Variants in CC2D2A observed in about 807,000 individuals in gnomAD.
CC2D2A encodes coiled-coil and C2 domain-containing protein 2A.
In CC2D2A, 155 loss-of-function variants were observed where a neutral mutation model predicts 212.9. The ratio of observed to expected loss-of-function variants is 0.73; its 90% confidence interval spans 0.64 to 0.83. CC2D2A has a LOEUF of 0.83. Ranked by LOEUF, CC2D2A falls within the 40% of genes least tolerant of loss-of-function variation. The pLI is 0.00. For missense variants in CC2D2A, 1,856 were observed against 1,956.2 expected (o/e 0.95, Z 0.97); for synonymous variants, 667 against 686.5 (o/e 0.97, Z 0.44).
At chr4:15,585,307 T>C (rs1296268898) in intron 30 of CC2D2A, among the ~76,000 whole-genome samples, 1 of 152,168 alleles carries the variant, frequency 6.6e-6, no homozygotes, top group African/African-American at 2.4e-5. Flanking sequence ...GGAATGCCAA[T>C]CAACCACAAA....
At chr4:15,470,958 G>T (rs1713773839) in intron 1 of CC2D2A, among the ~76,000 whole-genome samples, 2 of 152,096 alleles carry the variant, frequency 1.3e-5, no homozygotes, top group African/African-American at 2.4e-5. Flanking sequence ...TGACATCCAG[G>T]GAGGGGCTTC....
intron 9 of CC2D2A, among the ~76,000 whole-genome samples, chr4:15,515,412 C>CTT: frequency 6.6e-6 from 1 of 152,192 alleles, no homozygotes; most frequent in African/African-American, 2.4e-5. Flanking sequence ...GTAATGATCA[C>CTT]GTTCAATCAA....
intron 20 of CC2D2A, among the ~76,000 whole-genome samples, chr4:15,555,869 G>A (rs1719252399): frequency 6.6e-6 from 1 of 152,180 alleles, no homozygotes; most frequent in Admixed American, 6.5e-5. Flanking sequence ...TCTCCAGAGA[G>A]GAAGCTGAGT....
At chr4:15,549,412 C>CT (rs1718878723) in intron 17 of CC2D2A, among the ~76,000 whole-genome samples, 2 of 152,170 alleles carry the variant, frequency 1.3e-5, no homozygotes, top group Non-Finnish European at 2.9e-5. Context: ...CTGCCTTTGT[C>CT]TTTGACCCAG....
chr4:15,478,894 C>T (rs946155022), intron 3 of CC2D2A, 88 bp downstream of exon 3: 19 of 1,122,712 alleles, frequency 1.7e-5, no homozygotes, highest in Admixed American at 4.2e-5. Flanking sequence ...TCCACAAGGG[C>T]AGCCTTCCTT....
chr4:15,480,530 T>A (rs748282751), intron 3 of CC2D2A, among the ~76,000 whole-genome samples, 174 bp from the exon 4 acceptor site: 4 of 152,192 alleles, frequency 2.6e-5, no homozygotes, highest in Non-Finnish European at 5.9e-5. Flanking sequence ...AAATTCTGGG[T>A]TGGCACCTCT....
At chr4:15,494,639 T>G (rs1715506356) in intron 4 of CC2D2A, among the ~76,000 whole-genome samples, 1 of 152,220 alleles carries the variant, frequency 6.6e-6, no homozygotes, top group Non-Finnish European at 1.5e-5. Context: ...CAATAAGCTT[T>G]TGGGCCGTTT....
At chr4:15,551,111 T>A in intron 18 of CC2D2A, 131 bp downstream of exon 18, 4 of 848,122 alleles carry the variant, frequency 4.7e-6, no homozygotes, top group Non-Finnish European at 6.6e-6. Flanking sequence ...CAAACAATGA[T>A]GCTATGCAAC....
chr4:15,526,599 T>A (rs1027475413), intron 11 of CC2D2A, among the ~76,000 whole-genome samples: 3 of 152,166 alleles, frequency 2.0e-5, no homozygotes, highest in African/African-American at 7.2e-5. Context: ...TACATTATCA[T>A]TTTCTAGATA....
chr4:15,503,550 G>C (rs1716090129), intron 6 of CC2D2A, among the ~76,000 whole-genome samples: 1 of 152,190 alleles, frequency 6.6e-6, no homozygotes, highest in African/African-American at 2.4e-5. Context: ...CTGTCTCATT[G>C]GGTCAGCATT....
intron 28 of CC2D2A, 76 bp downstream of exon 28, chr4:15,570,572 G>A (rs1720111449): frequency 1.9e-6 from 2 of 1,042,298 alleles, no homozygotes; most frequent in African/African-American, 1.6e-5. Flanking sequence ...CGTTCTTTGT[G>A]GGCCAGGCGC....
intron 19 of CC2D2A, 85 bp from the exon 20 acceptor site, chr4:15,554,987 A>G: frequency 7.3e-7 from 1 of 1,376,670 alleles, no homozygotes; most frequent in Admixed American, 2.1e-5. Context: ...AGCTTCCTCA[A>G]GTCATGCTGT....
At chr4:15,527,717 C>A in intron 12 of CC2D2A, 61 bp downstream of exon 12, 1 of 1,326,846 alleles carries the variant, frequency 7.5e-7, no homozygotes, top group Non-Finnish European at 1.0e-6. Context: ...TGAGCCCAAA[C>A]AATGAAAATT....
At chr4:15,547,661 T>C (rs1256715694) in intron 17 of CC2D2A, among the ~76,000 whole-genome samples, 1 of 152,200 alleles carries the variant, frequency 6.6e-6, no homozygotes, top group Admixed American at 6.5e-5. Flanking sequence ...AACTAAATTA[T>C]ACAGAGATCT....
chr4:15,517,746 A>G (rs1431178863), intron 11 of CC2D2A, among the ~76,000 whole-genome samples: 1 of 152,192 alleles, frequency 6.6e-6, no homozygotes, highest in Non-Finnish European at 1.5e-5. Flanking sequence ...CACGCTGCTG[A>G]TAAAGGCATA....
At chr4:15,503,644 A>G (rs1716096387) in intron 6 of CC2D2A, among the ~76,000 whole-genome samples, 1 of 152,202 alleles carries the variant, frequency 6.6e-6, no homozygotes, top group Non-Finnish European at 1.5e-5. Flanking sequence ...AGGTCCTTGA[A>G]TGTCACATTC....
chr4:15,479,128 G>A, intron 3 of CC2D2A: 1 of 872,790 alleles, frequency 1.1e-6, no homozygotes. Context: ...GAAGGCCATG[G>A]ACTATGATGG....
chr4:15,538,457 TTTTGA>T (rs1191449584), intron 16 of CC2D2A, among the ~76,000 whole-genome samples: 2 of 152,320 alleles, frequency 1.3e-5, no homozygotes, highest in East Asian at 3.9e-4. Context: ...TCTGTGTGGC[TTTTGA>T]TTTGAGTCCC....
At chr4:15,578,341 T>C (rs1720498817) in intron 29 of CC2D2A, among the ~76,000 whole-genome samples, 1 of 152,122 alleles carries the variant, frequency 6.6e-6, no homozygotes, top group Non-Finnish European at 1.5e-5. Flanking sequence ...AGTAATCAAA[T>C]CTGGAATAGA....
Sources: allele counts gnomAD v4.1 joint callset (sites outside exome capture counted in the v4.1 genomes callset), GRCh38; gene constraint gnomAD v4.1.1; transcripts MANE v1.5; gene names NCBI Gene and HGNC (gene_info 2026-07-23, HGNC 2026-07-21).